The following PLPPR5 variants were observed in gnomAD, a reference collection of about 807,000 sequenced individuals.
The protein encoded by PLPPR5 is phospholipid phosphatase related 5.
Under a neutral mutation model 33.9 loss-of-function variants are expected in PLPPR5, and 16 were observed. That is an observed-to-expected ratio of 0.47 (90% CI 0.32 to 0.72). PLPPR5 has a LOEUF of 0.72. Among genes scored for constraint, PLPPR5 ranks in the 30% least tolerant of loss-of-function variants. PLPPR5 has a pLI of 0.03. For synonymous variants in PLPPR5, 163 were observed against 150.3 expected (o/e 1.08, Z -0.62); for missense variants, 301 against 406.7 (o/e 0.74, Z 2.23).
At chr1:98,975,771 T>C (rs1651826530) in intron 1 of PLPPR5, among the ~76,000 whole-genome samples, 1 of 151,982 alleles carries the variant, frequency 6.6e-6, no homozygotes, top group African/African-American at 2.4e-5. Flanking sequence ...AATCGGGATA[T>C]CTCGACCCAA....
At chr1:98,943,537 A>T (rs1051595084) in intron 3 of PLPPR5, among the ~76,000 whole-genome samples, 1 of 152,214 alleles carries the variant, frequency 6.6e-6, no homozygotes, top group Non-Finnish European at 1.5e-5. Context: ...CTGAAAGTGG[A>T]TCTATTAAGT....
At chr1:98,915,024 A>G in intron 4 of PLPPR5, 104 bp from the exon 5 acceptor site, 1 of 1,004,542 alleles carries the variant, frequency 1.0e-6, no homozygotes. Flanking sequence ...AAGTATTAAA[A>G]TTACTTAAAT....
chr1:98,997,020 T>C (rs1652655045), intron 1 of PLPPR5, among the ~76,000 whole-genome samples: 2 of 152,172 alleles, frequency 1.3e-5, no homozygotes, highest in Admixed American at 1.3e-4. Flanking sequence ...TCCCTGCATA[T>C]GTTCCTACAT....
At chr1:98,935,230 C>CAT (rs1650133405) in intron 3 of PLPPR5, among the ~76,000 whole-genome samples, 1 of 152,322 alleles carries the variant, frequency 6.6e-6, no homozygotes, top group African/African-American at 2.4e-5. Context: ...TCAGGTCACA[C>CAT]ATCCTTGAAG....
At chr1:98,926,447 A>AGTGTGTGTGTGTGT (rs60874366) in intron 3 of PLPPR5, among the ~76,000 whole-genome samples, 1 of 132,616 alleles carries the variant, frequency 7.5e-6, no homozygotes, top group Non-Finnish European at 1.6e-5. Flanking sequence ...AGGTTTGATT[A>AGTGTGTGTGTGTGT]GTGTGTGTGT....
At chr1:98,929,014 C>T (rs1441495300) in intron 3 of PLPPR5, among the ~76,000 whole-genome samples, 2 of 151,760 alleles carry the variant, frequency 1.3e-5, no homozygotes, top group Non-Finnish European at 1.5e-5. Flanking sequence ...TTATTGATAC[C>T]TTTAGAGACT....
chr1:98,951,614 A>G (rs1180832574), intron 3 of PLPPR5, among the ~76,000 whole-genome samples: 1 of 152,096 alleles, frequency 6.6e-6, no homozygotes, highest in East Asian at 1.9e-4. Context: ...TAAAATGCAT[A>G]CTCTATGGTT....
chr1:98,959,978 C>T (rs897900533), intron 1 of PLPPR5, among the ~76,000 whole-genome samples: 1 of 152,058 alleles, frequency 6.6e-6, no homozygotes, highest in African/African-American at 2.4e-5. Flanking sequence ...TCTCTGGATA[C>T]TGTATTCTGT....
intron 3 of PLPPR5, among the ~76,000 whole-genome samples, chr1:98,943,112 G>C (rs770354310): frequency 2.4e-4 from 37 of 152,162 alleles, no homozygotes; most frequent in Non-Finnish European, 5.1e-4. Context: ...TCCCTTAGGG[G>C]CAAAATAGAC....
At chr1:98,933,888 T>C (rs544717987) in intron 3 of PLPPR5, among the ~76,000 whole-genome samples, 6 of 152,092 alleles carry the variant, frequency 3.9e-5, no homozygotes, top group Non-Finnish European at 8.8e-5. Flanking sequence ...AGCTGGAGAA[T>C]CATGGTGGGA....
At chr1:98,971,783 A>G (rs1190342021) in intron 1 of PLPPR5, among the ~76,000 whole-genome samples, 1 of 152,096 alleles carries the variant, frequency 6.6e-6, no homozygotes, top group African/African-American at 2.4e-5. Flanking sequence ...AATTTTTAGA[A>G]GCAGACTCTC....
At chr1:98,898,102 C>A (rs1162905825) in intron 5 of PLPPR5, among the ~76,000 whole-genome samples, 1 of 152,106 alleles carries the variant, frequency 6.6e-6, no homozygotes, top group African/African-American at 2.4e-5. Flanking sequence ...CAAAATGTTT[C>A]TTTTAAGATT....
chr1:98,938,762 T>C (rs1411685103), intron 3 of PLPPR5, among the ~76,000 whole-genome samples: 1 of 152,102 alleles, frequency 6.6e-6, no homozygotes, highest in African/African-American at 2.4e-5. Context: ...AAAGAATATG[T>C]AGCACATATA....
chr1:98,912,536 G>T (rs1056096018), intron 5 of PLPPR5, among the ~76,000 whole-genome samples: 11 of 152,132 alleles, frequency 7.2e-5, no homozygotes, highest in Admixed American at 5.9e-4. Flanking sequence ...AGTCTTCAAA[G>T]AGATAAATCA....
At chr1:99,000,690 TCTC>T (rs1652806960) in intron 1 of PLPPR5, among the ~76,000 whole-genome samples, 1 of 152,160 alleles carries the variant, frequency 6.6e-6, no homozygotes, top group Non-Finnish European at 1.5e-5. Flanking sequence ...AAGTGATCTA[TCTC>T]CTCCTCTTCT....
At chr1:98,938,162 A>T (rs938733507) in intron 3 of PLPPR5, among the ~76,000 whole-genome samples, 1 of 150,874 alleles carries the variant, frequency 6.6e-6, no homozygotes, top group Non-Finnish European at 1.5e-5. Context: ...AAGAAAAAGG[A>T]AAAAAAAAGA....
chr1:98,929,753 C>T (rs72730328), intron 3 of PLPPR5, among the ~76,000 whole-genome samples: 9 of 152,052 alleles, frequency 5.9e-5, no homozygotes, highest in South Asian at 2.1e-4. Flanking sequence ...ATGACTCCCC[C>T]CTGACCCAAT....
chr1:98,995,727 G>T (rs767454595), intron 1 of PLPPR5, among the ~76,000 whole-genome samples: 7 of 152,064 alleles, frequency 4.6e-5, no homozygotes, highest in African/African-American at 1.7e-4. Context: ...TCTCAAGGAC[G>T]GAGAGATGGG....
intron 1 of PLPPR5, among the ~76,000 whole-genome samples, chr1:98,995,428 A>G (rs1213712721): frequency 6.6e-6 from 1 of 152,166 alleles, no homozygotes; most frequent in East Asian, 1.9e-4. Context: ...ATTTACTTAT[A>G]ACAAACCTGC....
Sources: allele counts gnomAD v4.1 joint callset (sites outside exome capture counted in the v4.1 genomes callset), GRCh38; gene constraint gnomAD v4.1.1; transcripts MANE v1.5; gene names NCBI Gene and HGNC (gene_info 2026-07-23, HGNC 2026-07-21).